CRYBG1: variants seen among roughly 807,000 people sequenced by gnomAD.
The protein encoded by CRYBG1 is crystallin beta-gamma domain containing 1.
Under a neutral mutation model 189.2 loss-of-function variants are expected in CRYBG1, and 139 were observed. That is an observed-to-expected ratio of 0.73 (90% confidence interval 0.64 to 0.85). The LOEUF is 0.85. Ranked by LOEUF, CRYBG1 falls within the 40% of genes least tolerant of loss-of-function variation. The pLI is 0.00. For missense variants in CRYBG1, 2,611 were observed against 2,675.8 expected, an observed-to-expected ratio of 0.98 and a Z score of 0.53; for synonymous variants, 1,023 against 1,017.1, an observed-to-expected ratio of 1.01 and a Z score of -0.11.
chr6:106,520,586 G>A lies in CRYBG1; in HGVS notation c.3378G>A (p.Lys1126=), dbSNP rs747751309. 6.2e-7 allele frequency: 1 copy of A among 1,614,062 alleles called. No homozygotes were observed. Among genetic ancestry groups the A allele is most frequent in the Admixed American group, 1.7e-5 (1 of 60,002 alleles). ...DSAVCMPMKR[K]KARMPNSPAP... is the part of the protein sequence containing the mutation. The stretch of plus-strand genomic sequence containing the variant: ...CAGTTTGTATGCCCATGAAAAGAAA[G>A]AAGGCCAGGATGCCAAACTCTCCTG... The change falls in exon 4 of 22, where the codon AAG becomes AAA. Residue 1126 remains lysine, a synonymous_variant. Transcript: ENST00000633556.
chr6:106,444,626 C>A (rs779725579), intron 1 of CRYBG1, among the ~76,000 whole-genome samples: 2 of 152,178 alleles, frequency 1.3e-5, no homozygotes, highest in Non-Finnish European at 2.9e-5. Context: ...GATCCGAAAT[C>A]ATCAAAATCA....
chr6:106,512,053 C>G lies in CRYBG1; in HGVS notation c.936C>G (p.Ala312=). ...QERPAGGLGE[A]PNGAPSVCAE... is the part of the protein sequence containing the mutation. ...GGCCCGCGGGAGGACTAGGCGAGGC[C>G]CCTAACGGAGCCCCCAGTGTGTGTG... Residue 312 remains alanine, a synonymous_variant, in exon 3 of 22, where the codon GCC becomes GCG. Transcript: ENST00000633556. The G allele has an allele frequency of 6.5e-7, 1 of 1,533,104 alleles. No homozygotes were observed. Among genetic ancestry groups the G allele is most frequent in the Non-Finnish European group, 8.7e-7 (1 of 1,145,566 alleles). 95.0% of individuals were successfully genotyped at this position (1,533,104 alleles called of 1,614,324 possible). A position where few individuals can be genotyped will look rare whatever the true frequency, so the allele number is the denominator to read the frequency against.
At chr6:106,400,741 A>G (rs912738215) in intron 1 of CRYBG1, among the ~76,000 whole-genome samples, 2 of 152,206 alleles carry the variant, frequency 1.3e-5, no homozygotes, top group South Asian at 4.1e-4. Flanking sequence ...ATAGACAGAC[A>G]CTATTTATAA....
At chr6:106,542,466 G>T (rs1774155206) in intron 10 of CRYBG1, among the ~76,000 whole-genome samples, 1 of 151,294 alleles carries the variant, frequency 6.6e-6, no homozygotes, top group South Asian at 2.1e-4. Context: ...TTTTAGCAGA[G>T]ATGAGGTTTC....
chr6:106,539,917 G>A (rs908192599), intron 9 of CRYBG1, among the ~76,000 whole-genome samples: 10 of 152,312 alleles, frequency 6.6e-5, no homozygotes, highest in African/African-American at 2.2e-4. Context: ...AATTAGGAAA[G>A]CTTCATGCTA....
intron 2 of CRYBG1, among the ~76,000 whole-genome samples, chr6:106,499,800 C>A (rs1344484279): frequency 2.6e-5 from 4 of 152,090 alleles, no homozygotes; most frequent in Non-Finnish European, 5.9e-5. Flanking sequence ...ACCATATATC[C>A]TTTGACCAAC....
At chr6:106,548,037 G>A (rs1774306091) in intron 13 of CRYBG1, among the ~76,000 whole-genome samples, 1 of 152,136 alleles carries the variant, frequency 6.6e-6, no homozygotes, top group Admixed American at 6.5e-5. Context: ...TCCACGGAAG[G>A]GCAGGTTTAC....
chr6:106,455,519 T>C (rs956574435), intron 2 of CRYBG1, among the ~76,000 whole-genome samples: 1 of 151,520 alleles, frequency 6.6e-6, no homozygotes. Flanking sequence ...GAATATTGAG[T>C]AATGTATTAT....
rs1774734891 is a variant in CRYBG1 at position 106,562,070 on chromosome 6, T to G, written c.6138+570T>G. On this transcript the variant is annotated intron_variant, in intron 20 of 21. Coordinates refer to ENST00000633556, the MANE Select transcript of CRYBG1 (RefSeq NM_001371242.2). ...ATGGTAGATAAAACTTTTTTACTCCTTGATTTTGTGAGCTTGACCGTTGGC... is the reference window on the plus strand; with the variant it reads ...ATGGTAGATAAAACTTTTTTACTCCGTGATTTTGTGAGCTTGACCGTTGGC... Among the ~76,000 whole-genome samples the G allele has an allele frequency of 2.6e-5, 4 of 152,342 alleles. No individual in the cohort carries two copies. The South Asian group carries it at 6.2e-4, about 24-fold the overall frequency.
In CRYBG1 at chr6:106,520,919, A is replaced by G; in HGVS notation, c.3711A>G (p.Leu1237=). 6.2e-7 allele frequency: 1 copy of G among 1,614,234 alleles called. No homozygotes were observed. The highest frequency in any genetic ancestry group is 1.3e-5 in the African/African-American group (1 of 75,062). ...VTNGGIKRSR[L]EKSALFSSLL... ...ATGGTGGCATTAAGAGATCGAGACTAGAAAAAAGTGCACTTTTCTCAAGCT... is the reference window on the plus strand; with the variant it reads ...ATGGTGGCATTAAGAGATCGAGACTGGAAAAAAGTGCACTTTTCTCAAGCT... The change falls in exon 4 of 22, where the codon CTA becomes CTG. Residue 1237 remains leucine (L), a synonymous_variant. Transcript: ENST00000633556.
chr6:106,509,199 G>A (rs546578477), intron 2 of CRYBG1, among the ~76,000 whole-genome samples: 86 of 152,198 alleles, frequency 5.7e-4, no homozygotes, highest in Non-Finnish European at 9.9e-4. Flanking sequence ...GTGGGACCTT[G>A]GACAAACGGG....
At chr6:106,474,789 A>AG (rs1772302190) in intron 2 of CRYBG1, among the ~76,000 whole-genome samples, 1 of 152,196 alleles carries the variant, frequency 6.6e-6, no homozygotes, top group South Asian at 2.1e-4. Context: ...AGGGCAGAGA[A>AG]GGAGGCAAAC....
At chr6:106,461,793 G>A (rs1000953539) in intron 2 of CRYBG1, among the ~76,000 whole-genome samples, 6 of 152,158 alleles carry the variant, frequency 3.9e-5, no homozygotes, top group Non-Finnish European at 7.4e-5. Flanking sequence ...CCTCCATGGG[G>A]GGTTCAACCT....
chr6:106,399,544 A>T (rs1285053626), intron 1 of CRYBG1, among the ~76,000 whole-genome samples: 1 of 152,210 alleles, frequency 6.6e-6, no homozygotes, highest in Non-Finnish European at 1.5e-5. Context: ...GTTAAAGGCC[A>T]TATGGACCTA....
At chr6:106,566,462 G>GTTTTTTTTTTTT (rs1312190668) in intron 21 of CRYBG1, among the ~76,000 whole-genome samples, 5 of 90,968 alleles carry the variant, frequency 5.5e-5, no homozygotes, top group African/African-American at 1.9e-4. Context: ...AGCAACAACA[G>GTTTTTTTTTTTT]TCTTTTTTTT....
intron 1 of CRYBG1, among the ~76,000 whole-genome samples, chr6:106,398,313 A>C (rs1475706244): frequency 6.6e-6 from 1 of 152,138 alleles, no homozygotes; most frequent in Non-Finnish European, 1.5e-5. Context: ...TCATGAGTTC[A>C]AGATCAACCT....
At chr6:106,418,088 T>A (rs764046540) in intron 1 of CRYBG1, among the ~76,000 whole-genome samples, 1 of 152,182 alleles carries the variant, frequency 6.6e-6, no homozygotes, top group Non-Finnish European at 1.5e-5. Flanking sequence ...ATGCTGACAA[T>A]AAAACAGTGA....
chr6:106,448,328 ACACT>A (rs1771709040), intron 1 of CRYBG1, among the ~76,000 whole-genome samples: 1 of 152,106 alleles, frequency 6.6e-6, no homozygotes. Context: ...TATACCACAC[ACACT>A]CAGCAGTTCC....
At chr6:106,366,057 C>A (rs7747057) in intron 1 of CRYBG1, among the ~76,000 whole-genome samples, 1 of 152,008 alleles carries the variant, frequency 6.6e-6, no homozygotes, top group Admixed American at 6.5e-5. Context: ...TTATCTGGAG[C>A]GTTTTTCTTT....
Sources: gnomAD v4.1 joint callset for allele counts (sites outside exome capture counted in the v4.1 genomes callset) on GRCh38, gnomAD v4.1.1 for gene constraint, MANE v1.5 for transcripts, NCBI Gene and HGNC (gene_info 2026-07-23, HGNC 2026-07-21) for gene names.